Variants in CDK15 observed in about 807,000 individuals in gnomAD.
CDK15 encodes the protein cyclin-dependent kinase 15.
Under a neutral mutation model 60.3 loss-of-function variants are expected in CDK15, and 62 were observed. The observed-to-expected ratio is 1.03, with a 90% confidence interval of 0.84 to 1.27. The LOEUF is 1.27. Among genes scored for constraint, CDK15 ranks in the 50% most tolerant of loss-of-function variants. CDK15 has a pLI of 0.00. For missense variants in CDK15, 541 were observed against 527.8 expected (o/e 1.03, Z -0.25); for synonymous variants, 194 against 195.7 (o/e 0.99, Z 0.07).
chr2:201,889,520 G>A lies in CDK15; in HGVS notation c.1199-1265G>A, dbSNP rs528690858. On this transcript the variant is annotated intron_variant, in intron 12 of 13. Coordinates refer to ENST00000652192, the MANE Select transcript of CDK15 (RefSeq NM_001366386.2). ...AATCTGCCAGGAAGTTTTATTTTCC[G>A]TACTTTTCAGATAAGCCCCTTGCAA... The A allele has an allele frequency of 3.3e-5, 23 of 706,142 alleles. No homozygotes were observed. The South Asian group carries it at 7.0e-4, about 21-fold the overall frequency. The allele number at this position is 706,142 out of a possible 1,614,324, so 43.7% of individuals were successfully genotyped here. A position where few individuals can be genotyped will look rare whatever the true frequency, so the allele number is the denominator to read the frequency against.
chr2:201,835,654 G>T lies in CDK15; in HGVS notation c.742G>T (p.Ala248Ser), dbSNP rs1696973489. Residue 248 changes from alanine (A) to serine (S), a missense_variant, in exon 8 of 14, where the codon GCC becomes TCC. Coordinates refer to ENST00000652192, the MANE Select transcript of CDK15 (RefSeq NM_001366386.2). The part of the protein sequence containing the change: ...LKLADFGLAR[A>S]KSIPSQTYSS... ...TCCCTTTTGGACAGGTCTTGCCCGG[G>T]CCAAGTCCATTCCCAGCCAGACATA... 1.2e-6 allele frequency: 2 copies of T among 1,606,242 alleles called. No individual in the cohort carries two copies. Among genetic ancestry groups the T allele is most frequent in the African/African-American group, 1.3e-5 (1 of 74,678 alleles).
chr2:201,811,400 T>A, intron 3 of CDK15, among the ~76,000 whole-genome samples: 1 of 152,174 alleles, frequency 6.6e-6, no homozygotes, highest in Admixed American at 6.5e-5. Context: ...TCCACCGGCC[T>A]TCGCCTCCCA....
At chr2:201,834,916 T>C (rs906186548) in intron 7 of CDK15, among the ~76,000 whole-genome samples, 3 of 152,208 alleles carry the variant, frequency 2.0e-5, no homozygotes, top group Admixed American at 1.3e-4. Flanking sequence ...CAACAATAGA[T>C]CATGCAATTC....
At chr2:201,889,171 C>T (rs1699558400) in intron 12 of CDK15, 3 of 985,214 alleles carry the variant, frequency 3.0e-6, no homozygotes, top group South Asian at 9.4e-5. Context: ...TGAGCAGCTT[C>T]CAGCAAACAG....
chr2:201,862,751 C>G (rs1479684909), intron 10 of CDK15, among the ~76,000 whole-genome samples: 1 of 152,172 alleles, frequency 6.6e-6, no homozygotes. Context: ...CCTAGAATAT[C>G]CACACCTGTT....
At chr2:201,848,835 T>C (rs999502938) in intron 9 of CDK15, among the ~76,000 whole-genome samples, 26 of 152,032 alleles carry the variant, frequency 1.7e-4, no homozygotes, top group African/African-American at 6.0e-4. Flanking sequence ...AGACATTTTA[T>C]AGAGATTAAT....
At chr2:201,856,813 G>T (rs1200972914) in intron 10 of CDK15, among the ~76,000 whole-genome samples, 1 of 152,070 alleles carries the variant, frequency 6.6e-6, no homozygotes, top group Non-Finnish European at 1.5e-5. Context: ...CAGACATTTG[G>T]GTTTCAGGTT....
At chr2:201,828,647 A>G (rs1696615670) in intron 6 of CDK15, among the ~76,000 whole-genome samples, 1 of 152,168 alleles carries the variant, frequency 6.6e-6, no homozygotes. Flanking sequence ...ATCCAAATCA[A>G]AGCAGGTGGG....
At chr2:201,806,508 A>C (rs1190278083), upstream of CDK15, 4 of 769,742 alleles carry the variant, frequency 5.2e-6, no homozygotes, top group African/African-American at 7.0e-5. Flanking sequence ...ATAAGGAAAA[A>C]CTGCTGAAGT....
At chr2:201,808,683 C>G (rs1483707667) in intron 3 of CDK15, 1 of 152,202 alleles carries the variant, frequency 6.6e-6, no homozygotes, top group Non-Finnish European at 1.5e-5. Flanking sequence ...AAAAATATAG[C>G]TGATCCGAGT....
intron 4 of CDK15, among the ~76,000 whole-genome samples, chr2:201,816,737 T>C (rs1342748638): frequency 6.6e-6 from 1 of 152,020 alleles, no homozygotes. Context: ...GAGATGGGGC[T>C]TGAACACTAA....
At chr2:201,839,801 A>C (rs1697291573) in intron 8 of CDK15, among the ~76,000 whole-genome samples, 1 of 152,098 alleles carries the variant, frequency 6.6e-6, no homozygotes, top group Non-Finnish European at 1.5e-5. Context: ...ATAAGTTTGA[A>C]ATTATTTCAA....
chr2:201,880,515 C>T (rs1229818074), intron 12 of CDK15, among the ~76,000 whole-genome samples: 2 of 152,214 alleles, frequency 1.3e-5, no homozygotes, highest in Non-Finnish European at 2.9e-5. Context: ...GGAAGCCACA[C>T]CAGTGTTTCT....
At chr2:201,807,268 A>G (rs908735625) in intron 1 of CDK15, among the ~76,000 whole-genome samples, 1 of 152,162 alleles carries the variant, frequency 6.6e-6, no homozygotes, top group Non-Finnish European at 1.5e-5. Context: ...GTTAACCTGA[A>G]TGTTAAAGAC....
chr2:201,822,951 C>A (rs750688628), intron 5 of CDK15, 48 bp downstream of exon 5: 2 of 1,022,458 alleles, frequency 2.0e-6, no homozygotes, highest in South Asian at 1.3e-5. Flanking sequence ...TAACCTGGTA[C>A]TTGTATAATG....
intron 10 of CDK15, chr2:201,861,328 A>G: frequency 1.0e-6 from 1 of 988,600 alleles, no homozygotes; most frequent in Non-Finnish European, 1.2e-6. Context: ...CAGATGAGGA[A>G]ACAGAGGCTT....
At chr2:201,821,360 A>G (rs1471084889) in intron 4 of CDK15, among the ~76,000 whole-genome samples, 1 of 152,012 alleles carries the variant, frequency 6.6e-6, no homozygotes, top group African/African-American at 2.4e-5. Context: ...GAGGAAGAAG[A>G]CGGTTGTTTT....
At chr2:201,860,908 C>T in intron 10 of CDK15, 3 of 1,340,052 alleles carry the variant, frequency 2.2e-6, no homozygotes, top group Non-Finnish European at 3.0e-6. Flanking sequence ...GATCCTTGTC[C>T]CCACTGGGAT....
chr2:201,818,270 C>T (rs990625482), intron 4 of CDK15, among the ~76,000 whole-genome samples: 1 of 152,136 alleles, frequency 6.6e-6, no homozygotes, highest in African/African-American at 2.4e-5. Context: ...GAGCGACATC[C>T]TAGGACTTGG....
Sources: allele counts gnomAD v4.1 joint callset (sites outside exome capture counted in the v4.1 genomes callset), GRCh38; gene constraint gnomAD v4.1.1; transcripts MANE v1.5; gene names NCBI Gene and HGNC (gene_info 2026-07-23, HGNC 2026-07-21).